The following DCAF1 variants were observed in gnomAD, a reference collection of about 807,000 sequenced individuals.
The protein encoded by DCAF1 is DDB1- and CUL4-associated factor 1.
Under a neutral mutation model 128.0 loss-of-function variants are expected in DCAF1, and 15 were observed. The observed-to-expected ratio is 0.12, with a 90% CI of 0.08 to 0.18. The LOEUF is 0.18. Ranked by LOEUF, DCAF1 falls within the 10% of genes least tolerant of loss-of-function variation. The probability of loss-of-function intolerance (pLI) is 1.00; values close to 1 mark genes in which losing one functional copy is unlikely to be tolerated. For missense variants in DCAF1, 988 were observed against 1,649.5 expected, an observed-to-expected ratio of 0.60 and a Z score of 6.95; for synonymous variants, 610 against 603.0, an observed-to-expected ratio of 1.01 and a Z score of -0.17.
intron 18 of DCAF1, among the ~76,000 whole-genome samples, chr3:51,416,133 T>A (rs1380104053): frequency 6.6e-6 from 1 of 151,898 alleles, no homozygotes; most frequent in Non-Finnish European, 1.5e-5. Context: ...CACTCATGTA[T>A]CCTCTACTCA....
At chr3:51,463,814 A>C (rs1435365031) in intron 5 of DCAF1, among the ~76,000 whole-genome samples, 1 of 151,702 alleles carries the variant, frequency 6.6e-6, no homozygotes, top group Non-Finnish European at 1.5e-5. Flanking sequence ...GAACAAAAAC[A>C]AAAAAAATGC....
chr3:51,425,817 G>A (rs1263025221), intron 13 of DCAF1, among the ~76,000 whole-genome samples: 2 of 151,854 alleles, frequency 1.3e-5, no homozygotes, highest in African/African-American at 4.8e-5. Flanking sequence ...GCCCGTCTCA[G>A]CCTCCCTAAG....
At chr3:51,499,630 C>G (rs942194766) in intron 1 of DCAF1, among the ~76,000 whole-genome samples, 17 of 151,814 alleles carry the variant, frequency 1.1e-4, no homozygotes, top group Non-Finnish European at 1.9e-4. Flanking sequence ...CGGGAAGCTT[C>G]TCGTGGGGAG....
At chr3:51,431,981 A>G (rs548326681) in intron 10 of DCAF1, among the ~76,000 whole-genome samples, 7 of 148,648 alleles carry the variant, frequency 4.7e-5, no homozygotes, top group Non-Finnish European at 9.0e-5. Context: ...CTGTCATTAG[A>G]AAAAAAAAAG....
rs1306442332 is a variant in DCAF1 at position 51,443,956 on chromosome 3, T to C, written c.376-53A>G. On this transcript the variant is annotated intron_variant, in intron 6 of 24. Transcript: ENST00000684031. ...TTTCGGAAAAAGCCCAAGTTCATGA[T>C]TAACAATAAGCAAAGATTTCAGTCT... 1.1e-5 allele frequency: 16 copies of C among 1,509,306 alleles called. No individual in the cohort carries two copies. The Admixed American group carries it at 3.1e-4, about 29-fold the overall frequency. 93.5% of individuals were successfully genotyped at this position (1,509,306 alleles called of 1,614,324 possible). A position where few individuals can be genotyped will look rare whatever the true frequency, so the allele number is the denominator to read the frequency against.
chr3:51,449,372 T>C (rs1702151763), intron 6 of DCAF1, among the ~76,000 whole-genome samples: 1 of 152,142 alleles, frequency 6.6e-6, no homozygotes, highest in South Asian at 2.1e-4. Context: ...CACGCCTGGC[T>C]AATTTTGTAT....
rs1698720534 is a variant in DCAF1 at position 51,414,648 on chromosome 3, C to T, written c.3813G>A (p.Leu1271=). 1 of 1,613,912 alleles carries T rather than the reference C, an allele frequency of 6.2e-7. No homozygotes were observed. The highest frequency in any genetic ancestry group is 8.5e-7 in the Non-Finnish European group (1 of 1,179,906). The change falls in exon 19 of 25, where the codon CTG becomes CTA. Residue 1271 remains leucine, a synonymous_variant. Coordinates refer to ENST00000684031, the MANE Select transcript of DCAF1 (RefSeq NM_001387579.1). ...NISGVFHPNG[L]EVIINTEIWD... ...CAATCTCAGTATTAATGATCACCTC[C>T]AGTCCATTTGGATGGAAAACACCAC...
chr3:51,409,785 T>C (rs1487720722), intron 23 of DCAF1, among the ~76,000 whole-genome samples: 1 of 152,076 alleles, frequency 6.6e-6, no homozygotes, highest in Non-Finnish European at 1.5e-5. Context: ...GGTAGCAAAC[T>C]GAAGTGAGAA....
At chr3:51,482,019 T>C (rs782718468) in intron 3 of DCAF1, among the ~76,000 whole-genome samples, 4 of 152,046 alleles carry the variant, frequency 2.6e-5, no homozygotes, top group Non-Finnish European at 4.4e-5. Flanking sequence ...AAAAAGTTTT[T>C]CAGTTTAAAA....
In DCAF1 at chr3:51,436,103, G is replaced by GT. The variant is rs577431716; in HGVS notation, c.1129-2840dup. On this transcript the variant is annotated intron_variant, in intron 9 of 24. Coordinates refer to ENST00000684031, the MANE Select transcript of DCAF1 (RefSeq NM_001387579.1). ...TTCAAGACGTTGATAAAGAACCTTA[G>GT]TAACTTGACTATACACCCCAGTACT... Among the ~76,000 whole-genome samples the GT allele has an allele frequency of 1.6e-3, 251 of 152,290 alleles. 1 individual carries two copies. The Middle Eastern group carries it at 0.017, about 10-fold the overall frequency.
chr3:51,417,967 A>T, intron 17 of DCAF1, 149 bp downstream of exon 17: 1 of 994,318 alleles, frequency 1.0e-6, no homozygotes, highest in Non-Finnish European at 1.5e-6. Flanking sequence ...AAGTCTTATT[A>T]AACATGAGTC....
upstream of DCAF1, among the ~76,000 whole-genome samples, chr3:51,500,381 A>G (rs1356480246): frequency 6.6e-6 from 1 of 152,112 alleles, no homozygotes; most frequent in Non-Finnish European, 1.5e-5. Context: ...ATACTTTTTC[A>G]GTGTCTTGTT....
rs993233640 is a variant in DCAF1, at chr3:51,463,094, C to T, written c.375+20G>A. ...ATTCAATTACAAAATAAAATTATGA[C>T]TTTACTTTTCACTAAGTACCTTTTC... On this transcript the variant is annotated intron_variant, in intron 6 of 24. Coordinates refer to ENST00000684031, the MANE Select transcript of DCAF1 (RefSeq NM_001387579.1). The T allele has an allele frequency of 5.3e-6, 8 of 1,507,250 alleles. No homozygotes were observed. The highest frequency in any genetic ancestry group is 7.2e-6 in the Non-Finnish European group (8 of 1,110,166). The allele number at this position is 1,507,250 out of a possible 1,614,324, so 93.4% of individuals were successfully genotyped here.
chr3:51,479,037 C>A (rs1705833651), intron 3 of DCAF1, among the ~76,000 whole-genome samples: 1 of 152,112 alleles, frequency 6.6e-6, no homozygotes, highest in South Asian at 2.1e-4. Context: ...CGTTAAGGAT[C>A]CCCACATTCC....
chr3:51,412,564 A>C (rs1698526472), intron 22 of DCAF1, 84 bp from the exon 23 acceptor site: 1 of 1,582,384 alleles, frequency 6.3e-7, no homozygotes, highest in Non-Finnish European at 8.6e-7. Flanking sequence ...GGTGCCCATG[A>C]CCTTGACCCT....
chr3:51,414,279 T>G (rs1274682709), intron 19 of DCAF1, among the ~76,000 whole-genome samples: 1 of 152,244 alleles, frequency 6.6e-6, no homozygotes, highest in Non-Finnish European at 1.5e-5. Context: ...CTCCCAACAG[T>G]AGTACTTCAT....
At chr3:51,403,873 G>A (rs73078636) in intron 23 of DCAF1, among the ~76,000 whole-genome samples, 15,497 of 152,202 alleles carry the variant, frequency 0.1, 1,091 homozygotes, top group South Asian at 0.27. Flanking sequence ...CCAAGAATGT[G>A]GATAAGCTCC....
intron 6 of DCAF1, among the ~76,000 whole-genome samples, chr3:51,454,197 C>G (rs1043712290): frequency 6.6e-6 from 1 of 152,038 alleles, no homozygotes; most frequent in African/African-American, 2.4e-5. Context: ...CATGAGCTAC[C>G]GTGCCCAGCT....
chr3:51,421,300 A>G (rs1193732906), intron 14 of DCAF1, among the ~76,000 whole-genome samples: 1 of 152,170 alleles, frequency 6.6e-6, no homozygotes, highest in Non-Finnish European at 1.5e-5. Flanking sequence ...TCTGTCGCCC[A>G]AGCTGGAGTG....
Sources: allele counts gnomAD v4.1 joint callset (sites outside exome capture counted in the v4.1 genomes callset), GRCh38; gene constraint gnomAD v4.1.1; transcripts MANE v1.5; gene names NCBI Gene and HGNC (gene_info 2026-07-23, HGNC 2026-07-21).